The following INPP5D variants were observed in gnomAD, a reference collection of about 807,000 sequenced individuals.
INPP5D encodes inositol polyphosphate-5-phosphatase D, also known as phosphatidylinositol 3,4,5-trisphosphate 5-phosphatase 1.
INPP5D carries 33 observed loss-of-function variants against 122.9 expected under a neutral mutation model. The ratio of observed to expected loss-of-function variants is 0.27; its 90% CI spans 0.20 to 0.36. The LOEUF (loss-of-function observed/expected upper bound fraction) is 0.36, where lower values mean the gene tolerates loss of function less well. Ranked by LOEUF, INPP5D falls within the 10% of genes least tolerant of loss-of-function variation. INPP5D has a pLI of 1.00. For synonymous variants in INPP5D, 584 were observed against 576.2 expected (o/e 1.01, Z -0.19); for missense variants, 1,053 against 1,412.7 (o/e 0.75, Z 4.08).
intron 17 of INPP5D, among the ~76,000 whole-genome samples, chr2:233,174,260 A>T (rs1297401503): frequency 6.6e-6 from 1 of 152,252 alleles, no homozygotes; most frequent in African/African-American, 2.4e-5. Context: ...ATGCTTTTAC[A>T]CAGCTGGCAG....
rs764385266 is a variant in INPP5D at position 233,078,925 on chromosome 2, C to T, written c.135-410C>T. ...CTCAATCTCTTGACCTTGTGATCCA[C>T]CCATCTCAGCCTCCCAAAGTGCTGG... On this transcript the variant is annotated intron_variant, in intron 1 of 26. Transcript: ENST00000445964. The surrounding 1 kb of genome is among the most constrained non-coding windows in gnomAD (Gnocchi z 4.6). Among the ~76,000 whole-genome samples the T allele has an allele frequency of 5.9e-5, 9 of 152,114 alleles. No individual in the cohort carries two copies. The highest frequency in any genetic ancestry group is 1.9e-4 in the East Asian group (1 of 5,176).
chr2:233,110,976 A>G (rs1170903414), intron 2 of INPP5D, among the ~76,000 whole-genome samples: 1 of 152,240 alleles, frequency 6.6e-6, no homozygotes, highest in African/African-American at 2.4e-5. Flanking sequence ...AGTTATTTTA[A>G]AAAAAGATAA....
rs1014313582 is a variant in INPP5D, at chr2:233,189,554, T to G, written c.2359-296T>G. On this transcript the variant is annotated intron_variant, in intron 21 of 26. Coordinates refer to ENST00000445964, the MANE Select transcript of INPP5D (RefSeq NM_001017915.3). The surrounding 1 kb of genome is among the most constrained non-coding windows in gnomAD (Gnocchi z 5.6). The stretch of plus-strand genomic sequence containing the variant: ...TAGGGATGGGAAGGAACGGGGGCAA[T>G]GGATGGGGCCCATCTGGGGTCAGGC... Among the ~76,000 whole-genome samples, 1 of 152,020 alleles carries G rather than the reference T, an allele frequency of 6.6e-6. No individual in the cohort carries two copies. The highest frequency in any genetic ancestry group is 1.5e-5 in the Non-Finnish European group (1 of 67,980).
intron 25 of INPP5D, among the ~76,000 whole-genome samples, chr2:233,199,567 C>T (rs564242099): frequency 6.7e-5 from 10 of 149,506 alleles, no homozygotes; most frequent in Non-Finnish European, 8.9e-5. Context: ...CGGTGGTTCA[C>T]GCCTGTAATC....
At position 233,169,407 on chromosome 2, in the gene INPP5D, G is replaced by A. The variant is rs1489908285; in HGVS notation, c.1652+6G>A. 6.4e-6 allele frequency: 10 copies of A among 1,564,480 alleles called. No individual in the cohort carries two copies. The South Asian group carries it at 1.2e-4, about 18-fold the overall frequency. On this transcript the variant is annotated splice_donor_region_variant and intron_variant, in intron 14 of 26. Coordinates refer to ENST00000445964, the MANE Select transcript of INPP5D (RefSeq NM_001017915.3). ...GGAAGTGAAAAGAAACTCAGGTAAT[G>A]GAACTCCTTCCCCCCAAGAGTGTGC...
At chr2:233,079,537 T>C in intron 2 of INPP5D, 139 bp downstream of exon 2, 2 of 662,978 alleles carry the variant, frequency 3.0e-6, no homozygotes, top group Non-Finnish European at 5.5e-6. Flanking sequence ...TCCTCCCAGG[T>C]GTCCATGGGG....
At chr2:233,167,313 GAAA>G (rs1694369014) in intron 13 of INPP5D, among the ~76,000 whole-genome samples, 1 of 151,704 alleles carries the variant, frequency 6.6e-6, no homozygotes, top group South Asian at 2.1e-4. Flanking sequence ...CAAGGCTACA[GAAA>G]GCCATGATTT....
chr2:233,137,505 G>A (rs1195096649), intron 5 of INPP5D, among the ~76,000 whole-genome samples: 4 of 148,562 alleles, frequency 2.7e-5, no homozygotes, highest in African/African-American at 1.0e-4. Context: ...TCCCCAGGCT[G>A]GGTGCAGTGG....
intron 4 of INPP5D, among the ~76,000 whole-genome samples, chr2:233,130,057 A>G (rs1384546779): frequency 6.6e-6 from 1 of 152,068 alleles, no homozygotes; most frequent in Non-Finnish European, 1.5e-5. Context: ...ACCCACCACC[A>G]CACCCGGCTA....
At chr2:233,165,838 C>T (rs1694319458) in intron 13 of INPP5D, among the ~76,000 whole-genome samples, 1 of 114,828 alleles carries the variant, frequency 8.7e-6, no homozygotes, top group Non-Finnish European at 2.0e-5. Flanking sequence ...GTGCTAGAGC[C>T]TCTCTGTGTG....
intron 13 of INPP5D, among the ~76,000 whole-genome samples, chr2:233,166,676 T>C (rs1299943634): frequency 1.3e-5 from 2 of 152,148 alleles, no homozygotes; most frequent in Admixed American, 6.5e-5. Context: ...CAGCCATAAT[T>C]AGCACAGGAC....
intron 2 of INPP5D, among the ~76,000 whole-genome samples, chr2:233,081,679 T>C (rs1225804860): frequency 6.6e-6 from 1 of 152,034 alleles, no homozygotes; most frequent in Admixed American, 6.5e-5. Flanking sequence ...GCTGACTCTG[T>C]AAGGGGTAAG....
intron 11 of INPP5D, among the ~76,000 whole-genome samples, chr2:233,163,310 C>CT (rs1211952621): frequency 2.0e-5 from 3 of 152,182 alleles, no homozygotes; most frequent in Non-Finnish European, 4.4e-5. Context: ...ACTTTGTTGT[C>CT]TCCCAACAAT....
At chr2:233,133,378 A>G (rs1475016600) in intron 5 of INPP5D, among the ~76,000 whole-genome samples, 4 of 152,182 alleles carry the variant, frequency 2.6e-5, no homozygotes, top group Non-Finnish European at 5.9e-5. Context: ...GCAGAGGGAC[A>G]TTAAGTACAA....
chr2:233,157,296 TGCCTCG>T (rs1416153068), intron 9 of INPP5D, among the ~76,000 whole-genome samples: 1 of 152,122 alleles, frequency 6.6e-6, no homozygotes, highest in Non-Finnish European at 1.5e-5. Context: ...GTAAAGGCTG[TGCCTCG>T]GCCCTTGAAG....
At position 233,177,184 on chromosome 2, in the gene INPP5D, C is replaced by T. The variant is rs1169150372; in HGVS notation, c.1990-81C>T. On this transcript the variant is annotated intron_variant, in intron 17 of 26. Transcript: ENST00000445964. The surrounding 1 kb of genome is among the most constrained non-coding windows in gnomAD (Gnocchi z 4.2). ...CCGATGAATTTGAGGATTACAGAGG[C>T]CACCAGTTAATCTGTTCTTTTACTG... is the stretch of plus-strand genomic sequence containing the variant. 1.3e-6 allele frequency: 2 copies of T among 1,564,218 alleles called. No homozygotes were observed. The highest frequency in any genetic ancestry group is 2.7e-5 in the African/African-American group (2 of 73,278).
chr2:233,126,940 A>G (rs1198309547), intron 4 of INPP5D, among the ~76,000 whole-genome samples: 1 of 151,662 alleles, frequency 6.6e-6, no homozygotes, highest in East Asian at 1.9e-4. Context: ...AAAATTCCAC[A>G]TCGAGCCCAT....
Position 233,183,294 on chromosome 2 carries a change from T to C in INPP5D, c.2161+795T>C, listed in dbSNP as rs1485885030. On this transcript the variant is annotated intron_variant, in intron 19 of 26. Transcript: ENST00000445964. The surrounding 1 kb of genome is among the most constrained non-coding windows in gnomAD (Gnocchi z 4.6). ...GAAGACCAAGCGTAGGGGACCCAAA[T>C]ACAGGGAAAGACCATCTTGCTCTGT... 6.6e-6 allele frequency among the ~76,000 whole-genome samples: 1 copy of C among 152,090 alleles called. No individual in the cohort carries two copies. The highest frequency in any genetic ancestry group is 2.4e-5 in the African/African-American group (1 of 41,400).
At chr2:233,156,741 C>T (rs1694063947) in intron 9 of INPP5D, among the ~76,000 whole-genome samples, 1 of 152,208 alleles carries the variant, frequency 6.6e-6, no homozygotes, top group Non-Finnish European at 1.5e-5. Context: ...GTCACATAGA[C>T]ACCCTCTACC....
Sources: allele counts gnomAD v4.1 joint callset (sites outside exome capture counted in the v4.1 genomes callset), GRCh38; gene constraint gnomAD v4.1.1; non-coding constraint Gnocchi (gnomAD v3.1); transcripts MANE v1.5; gene names NCBI Gene and HGNC (gene_info 2026-07-23, HGNC 2026-07-21).